Variants in PDE8B observed in about 807,000 individuals in gnomAD.
PDE8B encodes high affinity cAMP-specific and IBMX-insensitive 3',5'-cyclic phosphodiesterase 8B.
PDE8B carries 26 observed loss-of-function variants against 101.3 expected under a neutral mutation model. The observed-to-expected ratio is 0.26, with a 90% CI of 0.19 to 0.36. PDE8B has a LOEUF of 0.36. Among genes scored for constraint, PDE8B ranks in the 10% least tolerant of loss-of-function variants. The probability of loss-of-function intolerance (pLI) is 1.00; values close to 1 mark genes in which losing one functional copy is unlikely to be tolerated. For synonymous variants in PDE8B, 424 were observed against 429.3 expected (o/e 0.99, Z 0.15); for missense variants, 810 against 1,163.1 (o/e 0.70, Z 4.42).
intron 6 of PDE8B, 85 bp downstream of exon 6, chr5:77,337,400 A>G (rs967342937): frequency 5.5e-5 from 42 of 768,754 alleles, no homozygotes; most frequent in African/African-American, 1.2e-4. Context: ...TCAGGGGTTC[A>G]TAGCTGAATC....
chr5:77,242,481 TG>T (rs889509385), intron 1 of PDE8B, among the ~76,000 whole-genome samples: 1 of 152,138 alleles, frequency 6.6e-6, no homozygotes, highest in African/African-American at 2.4e-5. Context: ...CAGTGCTGTT[TG>T]GGATTAGGCT....
At chr5:77,291,914 G>A (rs927762675) in intron 1 of PDE8B, 59 of 929,754 alleles carry the variant, frequency 6.3e-5, no homozygotes, top group Middle Eastern at 3.1e-4. Flanking sequence ...GACTGTGACA[G>A]TGACTAATCC....
chr5:77,177,632 C>T, the PDE8B span, among the ~76,000 whole-genome samples: 4 of 152,250 alleles, frequency 2.6e-5, no homozygotes. Context: ...GCCAGCATCA[C>T]TGCTCTTGCA....
chr5:77,239,075 C>G (rs1284606004), intron 1 of PDE8B, among the ~76,000 whole-genome samples: 1 of 152,208 alleles, frequency 6.6e-6, no homozygotes, highest in Non-Finnish European at 1.5e-5. Context: ...AATTAATCAT[C>G]ACAACATCTG....
chr5:77,403,295 T>C (rs1792699597), intron 11 of PDE8B, among the ~76,000 whole-genome samples: 1 of 152,112 alleles, frequency 6.6e-6, no homozygotes, highest in Non-Finnish European at 1.5e-5. Flanking sequence ...CCCTGGAAAA[T>C]AGGGACAAGG....
intron 10 of PDE8B, among the ~76,000 whole-genome samples, chr5:77,388,714 T>C (rs1012605311): frequency 6.6e-6 from 1 of 151,492 alleles, no homozygotes; most frequent in Non-Finnish European, 1.5e-5. Flanking sequence ...GAGATGGGGG[T>C]TTTATCTATA....
Position 77,421,925 on chromosome 5 carries a change from A to G in PDE8B, c.2355A>G (p.Pro785=). 6.2e-7 allele frequency: 1 copy of G among 1,614,118 alleles called. No individual in the cohort carries two copies. The highest frequency in any genetic ancestry group is 1.3e-5 in the African/African-American group (1 of 75,040). ...TTAAGTGTGCTGACGTGGCCAACCC[A>G]TGCCGCCCCTTGGACCTGTGCATTG... is the stretch of plus-strand genomic sequence containing the variant. ...MMIKCADVAN[P]CRPLDLCIEW... The change falls in exon 20 of 22, where the codon CCA becomes CCG. Residue 785 remains proline (P), a synonymous_variant. Coordinates refer to ENST00000264917, the MANE Select transcript of PDE8B (RefSeq NM_003719.5).
chr5:77,423,632 G>GCTTTTTTTTTTTTTTTTTTTTTTTTTT (rs1797206130), intron 20 of PDE8B, among the ~76,000 whole-genome samples: 1 of 74,042 alleles, frequency 1.4e-5, no homozygotes, highest in Non-Finnish European at 2.6e-5. Flanking sequence ...GTTTTGTTTA[G>GCTTTTTTTTTTTTTTTTTTTTTTTTTT]TTTTTTTTTT....
the PDE8B span, among the ~76,000 whole-genome samples, chr5:77,182,800 T>C: frequency 2.0e-5 from 3 of 152,018 alleles, no homozygotes; most frequent in Non-Finnish European, 4.4e-5. Flanking sequence ...TTTTTATTTA[T>C]GGAGAATCAG....
At chr5:77,116,220 A>ATTTTT in the PDE8B span, among the ~76,000 whole-genome samples, 1 of 75,902 alleles carries the variant, frequency 1.3e-5, no homozygotes, top group African/African-American at 7.2e-5. Context: ...ATATATATAT[A>ATTTTT]TATATTTTTT....
chr5:77,425,931 T>C lies in PDE8B; in HGVS notation c.2548+35T>C, dbSNP rs183832735. 589 of 1,592,896 alleles carry C rather than the reference T, an allele frequency of 3.7e-4. 10 individuals carry two copies. In the South Asian group the frequency reaches 4.0e-3, roughly 11 times the overall value. ...TTACTGTTTTGTCACCCAAAGAAAA[T>C]TGTTATACTTTACGAATATTATCTT... On this transcript the variant is annotated intron_variant, in intron 21 of 21. Coordinates refer to ENST00000264917, the MANE Select transcript of PDE8B (RefSeq NM_003719.5).
At chr5:77,158,408 G>A in the PDE8B span, among the ~76,000 whole-genome samples, 4 of 152,214 alleles carry the variant, frequency 2.6e-5, no homozygotes, top group African/African-American at 9.6e-5. Context: ...GAGGCTTAAG[G>A]AAGTAGGTAG....
chr5:77,141,334 T>C, the PDE8B span: 1 of 152,224 alleles, frequency 6.6e-6, no homozygotes, highest in Admixed American at 6.5e-5. Context: ...AAGCAATGAA[T>C]ATACATTTTC....
chr5:77,144,466 A>T, the PDE8B span: 2 of 152,168 alleles, frequency 1.3e-5, no homozygotes, highest in African/African-American at 4.8e-5. Context: ...AGTCATAGGG[A>T]CGGTGTCCGC....
intron 6 of PDE8B, among the ~76,000 whole-genome samples, chr5:77,337,990 A>G (rs1027170614): frequency 2.6e-5 from 4 of 152,166 alleles, no homozygotes; most frequent in Non-Finnish European, 5.9e-5. Context: ...CCACTCTGGC[A>G]GGCTTTTTGG....
At chr5:77,099,139 A>G in the PDE8B span, among the ~76,000 whole-genome samples, 1 of 152,216 alleles carries the variant, frequency 6.6e-6, no homozygotes, top group Non-Finnish European at 1.5e-5. Context: ...TTTAAAACTT[A>G]TCTTTGAGAC....
intron 1 of PDE8B, among the ~76,000 whole-genome samples, chr5:77,254,980 C>T (rs1430766725): frequency 6.6e-6 from 1 of 152,124 alleles, no homozygotes; most frequent in African/African-American, 2.4e-5. Context: ...GAGAATCTTT[C>T]GTTTCTGTTG....
At chr5:77,277,335 CTG>C (rs1373845250) in intron 1 of PDE8B, among the ~76,000 whole-genome samples, 1 of 152,168 alleles carries the variant, frequency 6.6e-6, no homozygotes, top group Non-Finnish European at 1.5e-5. Flanking sequence ...TTATCTATGA[CTG>C]GGGTTGTCAG....
At chr5:77,120,317 A>G in the PDE8B span, among the ~76,000 whole-genome samples, 1 of 152,246 alleles carries the variant, frequency 6.6e-6, no homozygotes, top group Admixed American at 6.5e-5. Context: ...GTTCCTCTAC[A>G]TCTTCAAAGG....
Sources: allele counts gnomAD v4.1 joint callset (sites outside exome capture counted in the v4.1 genomes callset), GRCh38; gene constraint gnomAD v4.1.1; transcripts MANE v1.5; gene names NCBI Gene and HGNC (gene_info 2026-07-23, HGNC 2026-07-21).